DNAJC19: variants seen among roughly 807,000 people sequenced by gnomAD.
The protein encoded by DNAJC19 is mitochondrial import inner membrane translocase subunit TIM14.
DNAJC19 carries 15 observed loss-of-function variants against 19.8 expected under a neutral mutation model. That is an observed-to-expected ratio of 0.76 (90% CI 0.51 to 1.17). The LOEUF is 1.17. Among genes scored for constraint, DNAJC19 ranks in the 50% most tolerant of loss-of-function variants. The pLI, the probability that DNAJC19 is intolerant of heterozygous loss-of-function variation, is 0.00. For synonymous variants in DNAJC19, 38 were observed against 42.1 expected (o/e 0.90, Z 0.38); for missense variants, 105 against 140.9 (o/e 0.75, Z 1.29).
rs1003850979 is a variant in DNAJC19, at chr3:180,989,532, C to T, written c.3+68G>A. 280 of 1,555,492 alleles carry T rather than the reference C, an allele frequency of 1.8e-4. 1 individual carries two copies. In the Middle Eastern group the frequency reaches 4.7e-3, roughly 26 times the overall value. On this transcript the variant is annotated intron_variant, in intron 1 of 5. Transcript: ENST00000382564. ...GGAGCACAACTTCAACTCCACACCT[C>T]CGAGGCGGGGAGCTGAGGTTGAGGC...
Position 180,984,306 on chromosome 3 carries a change from T to A in DNAJC19, c.*334A>T, listed in dbSNP as rs1443059114. ...CACAGTCTAATTACCAGTTTATCAG[T>A]CTCCCATTAAAGTGGGGGCTCCCTG... On this transcript the variant is annotated 3_prime_UTR_variant, in exon 6 of 6. Transcript: ENST00000382564. 2.2e-6 allele frequency: 1 copy of A among 459,734 alleles called. No individual in the cohort carries two copies. The allele number at this position is 459,734 out of a possible 1,614,324, so 28.5% of individuals were successfully genotyped here.
chr3:180,989,078 G>A (rs1805640), intron 1 of DNAJC19, among the ~76,000 whole-genome samples: 1,838 of 151,958 alleles, frequency 0.012, 17 homozygotes, highest in Non-Finnish European at 0.022. Flanking sequence ...GACGGCTCCT[G>A]TAAAATTCTA....
rs962255002 is a variant in DNAJC19, at chr3:180,988,342, C to CT, written c.4-114dup. ...AACTGCATTTTAATAGGAGAAACAA[C>CT]TTTTTTTTTTCTTTTTTTTTTTTTT... On this transcript the variant is annotated intron_variant, in intron 1 of 5. Transcript: ENST00000382564. The CT allele has an allele frequency of 3.4e-3, 3,088 of 896,888 alleles. 18 individuals are homozygous for CT. In the Admixed American group the frequency reaches 0.038, roughly 11 times the overall value. 55.6% of individuals were successfully genotyped at this position (896,888 alleles called of 1,614,324 possible).
In DNAJC19 at chr3:180,984,710, C is replaced by A. The variant is rs151056679; in HGVS notation, c.281G>T (p.Gly94Val). 3.1e-6 allele frequency: 5 copies of A among 1,600,826 alleles called. No individual in the cohort carries two copies. Among genetic ancestry groups the A allele is most frequent in the Non-Finnish European group, 3.4e-6 (4 of 1,171,146 alleles). The change falls in exon 6 of 6, where the codon GGA becomes GTA. Residue 94 changes from glycine to valine, a missense_variant and splice_region_variant. Transcript: ENST00000382564. ...RIMLLNHPDK[G>V]GSPYIAAKIN... ...TTTGGCTGCTATATAAGGAGATCCT[C>A]CTATAGGAAGAAAGAAAAAAGAACA...
At chr3:180,989,571 C>A in intron 1 of DNAJC19, 29 bp downstream of exon 1, 1 of 1,572,576 alleles carries the variant, frequency 6.4e-7, no homozygotes, top group Non-Finnish European at 8.6e-7. Flanking sequence ...GGCCGGAGGT[C>A]GCCAAGAAGA....
At chr3:180,987,075 A>T (rs1295130889) in intron 3 of DNAJC19, 53 bp from the exon 4 acceptor site, 8 of 1,495,156 alleles carry the variant, frequency 5.4e-6, no homozygotes, top group Non-Finnish European at 7.5e-6. Flanking sequence ...AAGTTGCTTT[A>T]AAAAAGACGT....
At chr3:180,987,317 T>C (rs1714962132) in intron 3 of DNAJC19, 1 of 397,712 alleles carries the variant, frequency 2.5e-6, no homozygotes, top group East Asian at 5.2e-5. Context: ...AAAGGAAAGA[T>C]CATTCCAAAT....
intron 3 of DNAJC19, 77 bp from the exon 4 acceptor site, chr3:180,987,099 C>A: frequency 7.6e-7 from 1 of 1,318,932 alleles, no homozygotes; most frequent in Non-Finnish European, 1.1e-6. Flanking sequence ...GAAATATTCA[C>A]AGAACTAAGA....
rs1305104516 is a variant in DNAJC19 at position 180,988,357 on chromosome 3, T to TC, written c.4-129_4-128insG. On this transcript the variant is annotated intron_variant, in intron 1 of 5. Transcript: ENST00000382564. ...GGAGAAACAACTTTTTTTTTTCTTT[T>TC]TTTTTTTTTTTTTTTAAGAGACGGA... 6.9e-3 allele frequency: 6,241 copies of TC among 902,210 alleles called. 224 individuals carry two copies. The African/African-American group carries it at 0.095, about 14-fold the overall frequency. The allele number at this position is 902,210 out of a possible 1,614,324, so 55.9% of individuals were successfully genotyped here.
chr3:180,988,856 A>T (rs1715053727), intron 1 of DNAJC19, among the ~76,000 whole-genome samples: 1 of 151,650 alleles, frequency 6.6e-6, no homozygotes, highest in African/African-American at 2.4e-5. Context: ...CAAAAAAAAA[A>T]AAAATTAGCT....
rs1247111721 is a variant in DNAJC19, at chr3:180,989,675, G to C, written c.-73C>G. 1.3e-6 allele frequency: 2 copies of C among 1,558,756 alleles called. No individual in the cohort carries two copies. The highest frequency in any genetic ancestry group is 1.7e-6 in the Non-Finnish European group (2 of 1,152,030). On this transcript the variant is annotated 5_prime_UTR_variant, in exon 1 of 6. Transcript: ENST00000382564. ...AGCTCAGAGGCCGCGGCCAACACCT[G>C]CACGCCTTTACCAGAGAGCGACGCA...
At chr3:180,989,429 G>A in intron 1 of DNAJC19, 171 bp downstream of exon 1, 1 of 1,465,516 alleles carries the variant, frequency 6.8e-7, no homozygotes, top group Middle Eastern at 2.4e-4. Flanking sequence ...AAACCCCCAA[G>A]AGAGCGAGCC....
chr3:180,988,947 G>T (rs1373981696), intron 1 of DNAJC19, among the ~76,000 whole-genome samples: 4 of 150,780 alleles, frequency 2.7e-5, no homozygotes, highest in Non-Finnish European at 4.4e-5. Flanking sequence ...GGCGGAGCTT[G>T]TAGTGAGCCA....
chr3:180,988,321 G>A, intron 1 of DNAJC19, 92 bp from the exon 2 acceptor site: 2 of 1,324,000 alleles, frequency 1.5e-6, no homozygotes, highest in Non-Finnish European at 2.1e-6. Flanking sequence ...ATTACAAACT[G>A]CATTTTAATA....
rs1481218421 is a variant in DNAJC19, at chr3:180,984,033, T to G, written c.*607A>C. The G allele has an allele frequency of 2.2e-6, 1 of 453,946 alleles. No homozygotes were observed. The highest frequency in any genetic ancestry group is 2.0e-5 in the African/African-American group (1 of 49,984). The allele number at this position is 453,946 out of a possible 1,614,324, so 28.1% of individuals were successfully genotyped here. ...AACTGTGATTGTACCAGACCTGTAC[T>G]CTGAAATCTTTATCATACTATTTTT... On this transcript the variant is annotated 3_prime_UTR_variant, in exon 6 of 6. Coordinates refer to ENST00000382564, the MANE Select transcript of DNAJC19 (RefSeq NM_145261.4).
In DNAJC19 at chr3:180,985,869, C is replaced by T. The variant is rs992684185; in HGVS notation, c.280+57G>A. 41 of 1,401,364 alleles carry T rather than the reference C, an allele frequency of 2.9e-5. No individual in the cohort carries two copies. In the African/African-American group the frequency reaches 5.5e-4, roughly 19 times the overall value. 86.8% of individuals were successfully genotyped at this position (1,401,364 alleles called of 1,614,324 possible). On this transcript the variant is annotated intron_variant, in intron 5 of 5. Coordinates refer to ENST00000382564, the MANE Select transcript of DNAJC19 (RefSeq NM_145261.4). ...GCCAGGAATTTGAGATAAAATTATC[C>T]CATTAATAACTATTGGTCACACCAA...
chr3:180,985,008 T>C (rs1203355675), intron 5 of DNAJC19, among the ~76,000 whole-genome samples: 1 of 152,136 alleles, frequency 6.6e-6, no homozygotes, highest in African/African-American at 2.4e-5. Flanking sequence ...TAGATATATA[T>C]GTATATGCCT....
intron 1 of DNAJC19, 49 bp downstream of exon 1, chr3:180,989,551 T>C (rs1333357963): frequency 3.2e-6 from 5 of 1,562,572 alleles, no homozygotes; most frequent in Non-Finnish European, 4.3e-6. Flanking sequence ...GGAGCTGAGG[T>C]TGAGGCCTGG....
intron 3 of DNAJC19, 113 bp from the exon 4 acceptor site, chr3:180,987,135 T>A: frequency 2.2e-6 from 2 of 897,188 alleles, no homozygotes; most frequent in Non-Finnish European, 3.6e-6. Context: ...CAGAGGACTT[T>A]TAGTGCAATT....
Sources: allele counts gnomAD v4.1 joint callset (sites outside exome capture counted in the v4.1 genomes callset), GRCh38; gene constraint gnomAD v4.1.1; transcripts MANE v1.5; gene names NCBI Gene and HGNC (gene_info 2026-07-23, HGNC 2026-07-21).